The following ZNF469 variants were observed in gnomAD, a reference collection of about 807,000 sequenced individuals.
The protein encoded by ZNF469 is zinc finger protein 469.
ZNF469 carries 1 observed loss-of-function variant against 1.0 expected under a neutral mutation model. The observed-to-expected ratio is 1.00, with a 90% CI of 0.35 to 4.73. The LOEUF is 4.73. Ranked by LOEUF, ZNF469 falls within the 30% of genes most tolerant of loss-of-function variation. ZNF469 has a pLI of 0.16. For missense variants in ZNF469, 6,100 were observed against 5,356.3 expected (o/e 1.14, Z -4.33); for synonymous variants, 2,703 against 2,363.4 (o/e 1.14, Z -4.17).
chr16:88,338,955 A>T, the ZNF469 span, among the ~76,000 whole-genome samples: 1 of 151,834 alleles, frequency 6.6e-6, no homozygotes, highest in Non-Finnish European at 1.5e-5. Context: ...TCCCCAGTTT[A>T]TGGCACTTTG....
upstream of ZNF469, among the ~76,000 whole-genome samples, chr16:88,382,912 G>A (rs1403455275): frequency 6.6e-6 from 1 of 151,426 alleles, no homozygotes; most frequent in African/African-American, 2.4e-5. Context: ...GGGAGGGTGC[G>A]GGGGCGGCGG....
the ZNF469 span, among the ~76,000 whole-genome samples, chr16:88,318,129 C>G: frequency 6.6e-6 from 1 of 152,244 alleles, no homozygotes; most frequent in Admixed American, 6.5e-5. Context: ...CAGGTTTGGA[C>G]AGCCGGTGGC....
At position 88,434,560 on chromosome 16, in the gene ZNF469, G is replaced by T; in HGVS notation, c.7090G>T (p.Ala2364Ser). 1 of 1,550,276 alleles carries T rather than the reference G, an allele frequency of 6.5e-7. No homozygotes were observed. The highest frequency in any genetic ancestry group is 8.7e-7 in the Non-Finnish European group (1 of 1,146,922). ...ACAGGGTGCAGGGCCGGACTCCCCC[G>T]CCTGCCTGGAAGGTGAGATGGGGAC... Reference protein sequence around the residue: ...TLQGAGPDSPACLEGEMGTSS... With the variant: ...TLQGAGPDSPSCLEGEMGTSS... The change falls in exon 3 of 3, where the codon GCC (alanine) becomes TCC (serine). Residue 2364 changes from alanine (A) to serine (S), a missense_variant. By Grantham distance (99) the Ala-to-Ser change is moderately conservative (BLOSUM62 1). Coordinates refer to ENST00000565624, the MANE Select transcript of ZNF469 (RefSeq NM_001367624.2).
At chr16:88,394,063 C>G (rs966777138) in intron 1 of ZNF469, among the ~76,000 whole-genome samples, 8 of 151,960 alleles carry the variant, frequency 5.3e-5, no homozygotes, top group Non-Finnish European at 1.0e-4. Flanking sequence ...ACGTCTACAC[C>G]TGCGCTGCCT....
the ZNF469 span, among the ~76,000 whole-genome samples, chr16:88,281,839 A>G: frequency 1.3e-5 from 2 of 151,920 alleles, no homozygotes; most frequent in Non-Finnish European, 2.9e-5. Flanking sequence ...TGCCATGCTG[A>G]CGCTTGGTCA....
the ZNF469 span, among the ~76,000 whole-genome samples, chr16:88,252,902 C>G: frequency 6.6e-6 from 1 of 152,222 alleles, no homozygotes; most frequent in African/African-American, 2.4e-5. Flanking sequence ...CTTTGAATCT[C>G]TATAGCCTGC....
chr16:88,193,282 GT>G, the ZNF469 span, among the ~76,000 whole-genome samples: 3 of 134,190 alleles, frequency 2.2e-5, no homozygotes, highest in Admixed American at 1.5e-4. Flanking sequence ...GATGGTGGTG[GT>G]GGAGATGGTG....
the ZNF469 span, among the ~76,000 whole-genome samples, chr16:88,184,060 T>C: frequency 2.0e-4 from 30 of 151,438 alleles, no homozygotes; most frequent in Non-Finnish European, 3.4e-4. Flanking sequence ...CGGGCAGAAG[T>C]GGAAGCTTGA....
rs571207087 is a variant in ZNF469, at chr16:88,432,767, G to A, written c.5297G>A (p.Arg1766Gln). 2.3e-5 allele frequency: 36 copies of A among 1,550,386 alleles called. No individual in the cohort carries two copies. Among genetic ancestry groups the A allele is most frequent in the Middle Eastern group, 1.7e-4 (1 of 5,988 alleles). ...ASSQESEDSL[R>Q]LLPCEQRGGF... Reference sequence around the variant, plus strand: ...TCACAAGAAAGTGAAGACTCCCTGCGGCTGCTTCCCTGTGAACAGAGAGGA... The same window carrying A: ...TCACAAGAAAGTGAAGACTCCCTGCAGCTGCTTCCCTGTGAACAGAGAGGA... Residue 1766 changes from arginine to glutamine, a missense_variant, in exon 3 of 3, where the codon CGG (arginine) becomes CAG (glutamine). Coordinates refer to ENST00000565624, the MANE Select transcript of ZNF469 (RefSeq NM_001367624.2).
the ZNF469 span, among the ~76,000 whole-genome samples, chr16:88,111,124 C>T: frequency 1.3e-5 from 2 of 152,242 alleles, no homozygotes; most frequent in African/African-American, 4.8e-5. Context: ...TCCCGCACCG[C>T]CCCATGTCAA....
At chr16:88,384,496 CAGG>C (rs1400973104) in intron 1 of ZNF469, among the ~76,000 whole-genome samples, 1 of 152,218 alleles carries the variant, frequency 6.6e-6, no homozygotes, top group East Asian at 1.9e-4. Flanking sequence ...GAAGGGCAGC[CAGG>C]CACCCTCGGA....
chr16:88,406,676 T>A (rs1390086081), intron 1 of ZNF469, among the ~76,000 whole-genome samples: 1 of 152,156 alleles, frequency 6.6e-6, no homozygotes, highest in East Asian at 1.9e-4. Context: ...CAGAGTCCTC[T>A]CCCTGTGTGC....
chr16:88,428,867 G>A lies in ZNF469; in HGVS notation c.1397G>A (p.Gly466Asp). 1 of 1,548,522 alleles carries A rather than the reference G, an allele frequency of 6.5e-7. No individual in the cohort carries two copies. Among genetic ancestry groups the A allele is most frequent in the Non-Finnish European group, 8.7e-7 (1 of 1,146,548 alleles). ...GCCACCAGGAGTATGTTCTTTAACGGCCAGCCCAGCCCAGGCCAGCGGCTC... is the reference window on the plus strand; with the variant it reads ...GCCACCAGGAGTATGTTCTTTAACGACCAGCCCAGCCCAGGCCAGCGGCTC... ...LAATRSMFFN[G>D]QPSPGQRLCL... The change falls in exon 3 of 3, where the codon GGC becomes GAC. Residue 466 changes from glycine (G) to aspartate (D), a missense_variant. Coordinates refer to ENST00000565624, the MANE Select transcript of ZNF469 (RefSeq NM_001367624.2).
the ZNF469 span, among the ~76,000 whole-genome samples, chr16:88,239,460 G>T: frequency 4.0e-5 from 6 of 149,684 alleles, no homozygotes; most frequent in African/African-American, 1.2e-4. Flanking sequence ...ATCAGGAATG[G>T]GTCTGAGTGC....
At chr16:88,185,225 TCA>T in the ZNF469 span, among the ~76,000 whole-genome samples, 109 of 149,762 alleles carry the variant, frequency 7.3e-4, no homozygotes, top group African/African-American at 2.6e-3. Context: ...ACACTCACAT[TCA>T]CACACGGGCA....
the ZNF469 span, among the ~76,000 whole-genome samples, chr16:88,296,858 G>A: frequency 6.6e-6 from 1 of 152,188 alleles, no homozygotes; most frequent in African/African-American, 2.4e-5. Context: ...ACACCCCACC[G>A]AGGGGAGGGA....
the ZNF469 span, among the ~76,000 whole-genome samples, chr16:88,240,524 A>G: frequency 6.6e-6 from 1 of 152,162 alleles, no homozygotes; most frequent in African/African-American, 2.4e-5. Flanking sequence ...AGAATTGAAA[A>G]GGGAATGCAC....
At chr16:88,129,723 G>A in the ZNF469 span, among the ~76,000 whole-genome samples, 1 of 152,164 alleles carries the variant, frequency 6.6e-6, no homozygotes, top group African/African-American at 2.4e-5. Context: ...AGCCAGATGT[G>A]GTGGCGCACG....
At position 88,431,274 on chromosome 16, in the gene ZNF469, G is replaced by A. The variant is rs976619733; in HGVS notation, c.3804G>A (p.Pro1268=). The part of the protein sequence containing the change: ...ASPGLLIPEQ[P]PPSRHDTGTP... ...CCGGTCTCCTGATACCAGAGCAGCC[G>A]CCGCCCAGCAGACATGACACCGGCA... The change falls in exon 3 of 3, where the codon CCG becomes CCA. Residue 1268 remains proline, a synonymous_variant. Transcript: ENST00000565624. The A allele has an allele frequency of 6.5e-6, 10 of 1,550,182 alleles. No homozygotes were observed. The highest frequency in any genetic ancestry group is 4.9e-5 in the East Asian group (2 of 40,918).
Sources: allele counts gnomAD v4.1 joint callset (sites outside exome capture counted in the v4.1 genomes callset), GRCh38; gene constraint gnomAD v4.1.1; transcripts MANE v1.5; gene names NCBI Gene and HGNC (gene_info 2026-07-23, HGNC 2026-07-21).